HECW2: variants seen among roughly 807,000 people sequenced by gnomAD.
HECW2 encodes HECT, C2 and WW domain containing E3 ubiquitin protein ligase 2, also known as E3 ubiquitin-protein ligase HECW2.
A neutral mutation model predicts 175.2 loss-of-function variants in HECW2; 61 were observed. The observed-to-expected ratio is 0.35, with a 90% CI of 0.28 to 0.43. The LOEUF is 0.43. Ranked by LOEUF, HECW2 falls within the 20% of genes least tolerant of loss-of-function variation. The pLI, the probability that HECW2 is intolerant of heterozygous loss-of-function variation, is 1.00. For missense variants in HECW2, 1,524 were observed against 2,000.5 expected, an observed-to-expected ratio of 0.76 and a Z score of 4.54; for synonymous variants, 671 against 731.0, an observed-to-expected ratio of 0.92 and a Z score of 1.32.
chr2:196,295,701 A>G (rs1690784765), intron 13 of HECW2, among the ~76,000 whole-genome samples: 1 of 152,200 alleles, frequency 6.6e-6, no homozygotes, highest in Non-Finnish European at 1.5e-5. Context: ...ACTTTGTTAA[A>G]AAAGAACTTC....
chr2:196,244,962 T>C (rs1481725601), intron 19 of HECW2, among the ~76,000 whole-genome samples: 3 of 152,184 alleles, frequency 2.0e-5, no homozygotes, highest in Non-Finnish European at 4.4e-5. Flanking sequence ...CAAATGGTGT[T>C]TTATTTAAGA....
At chr2:196,378,764 T>C (rs747205335) in intron 2 of HECW2, among the ~76,000 whole-genome samples, 2 of 152,144 alleles carry the variant, frequency 1.3e-5, no homozygotes, top group Non-Finnish European at 2.9e-5. Context: ...AATTACAAAA[T>C]TCATAATTTT....
Position 196,572,691 on chromosome 2 carries a change from T to C in HECW2, c.-36+20817A>G, listed in dbSNP as rs537736518. On this transcript the variant is annotated intron_variant, in intron 1 of 28. Transcript: ENST00000644978. ...GTGATGGTATTTGGAGGTGGAGACT[T>C]TGGGAGGTAATTAGGTCACAAGGGT... Among the ~76,000 whole-genome samples, 55 of 152,252 alleles carry C rather than the reference T, an allele frequency of 3.6e-4. 1 individual carries two copies. Among genetic ancestry groups the C allele is most frequent in the African/African-American group, 1.3e-3 (55 of 41,552 alleles).
chr2:196,256,909 CA>C (rs1689077608), intron 18 of HECW2, among the ~76,000 whole-genome samples: 1 of 151,884 alleles, frequency 6.6e-6, no homozygotes. Context: ...TGACTACACA[CA>C]AAGAAAAATA....
chr2:196,439,957 G>C (rs1324543450), intron 1 of HECW2, among the ~76,000 whole-genome samples: 1 of 152,164 alleles, frequency 6.6e-6, no homozygotes, highest in African/African-American at 2.4e-5. Flanking sequence ...ACATAGACAT[G>C]ATGACAGATT....
intron 1 of HECW2, among the ~76,000 whole-genome samples, chr2:196,521,191 C>A (rs1459146864): frequency 6.7e-6 from 1 of 149,444 alleles, no homozygotes; most frequent in Non-Finnish European, 1.5e-5. Flanking sequence ...AGTAGTGAGA[C>A]CAGCATCACA....
chr2:196,483,751 T>C (rs1686916149), intron 1 of HECW2, among the ~76,000 whole-genome samples: 2 of 152,204 alleles, frequency 1.3e-5, no homozygotes, highest in Admixed American at 6.5e-5. Context: ...TGGGAAATTA[T>C]ACTAGGAAAA....
At chr2:196,383,457 G>C (rs1210952480) in intron 2 of HECW2, among the ~76,000 whole-genome samples, 1 of 152,236 alleles carries the variant, frequency 6.6e-6, no homozygotes, top group Admixed American at 6.5e-5. Flanking sequence ...GAGCCTAGGA[G>C]AGAAAAGTCT....
chr2:196,307,196 G>C lies in HECW2; in HGVS notation c.2623C>G (p.Pro875Ala), dbSNP rs779819122. The C allele has an allele frequency of 5.8e-5, 94 of 1,613,556 alleles. No individual in the cohort carries two copies. The East Asian group carries it at 1.9e-3, about 33-fold the overall frequency. ...SIRRTMTNER[P>A]EENTNAIDGA... ...TCAATAGCATTGGTATTTTCCTCAGGCCTCTCATTGGTCATGGTTCTGCGG... is the reference window on the plus strand; with the variant it reads ...TCAATAGCATTGGTATTTTCCTCAGCCCTCTCATTGGTCATGGTTCTGCGG... Residue 875 changes from proline to alanine, a missense_variant, in exon 12 of 29, where the codon CCT (proline) becomes GCT (alanine). By Grantham distance (27) the Pro-to-Ala change is conservative (BLOSUM62 -1). Coordinates refer to ENST00000644978, the MANE Select transcript of HECW2 (RefSeq NM_001348768.2).
At chr2:196,377,671 C>G (rs116128406) in intron 2 of HECW2, among the ~76,000 whole-genome samples, 1,564 of 152,344 alleles carry the variant, frequency 0.01, 24 homozygotes, top group Non-Finnish European at 0.013. Flanking sequence ...TGGGTGGGAA[C>G]ATAGCCAAAC....
At chr2:196,297,073 C>A (rs967513428) in intron 13 of HECW2, among the ~76,000 whole-genome samples, 1 of 152,164 alleles carries the variant, frequency 6.6e-6, no homozygotes, top group African/African-American at 2.4e-5. Flanking sequence ...ATAACATAGT[C>A]TCATGATAAT....
At chr2:196,402,200 CAAAAA>C (rs55851966) in intron 2 of HECW2, among the ~76,000 whole-genome samples, 2 of 70,386 alleles carry the variant, frequency 2.8e-5, no homozygotes, top group South Asian at 5.7e-4. Context: ...GACTCTGTCT[CAAAAA>C]AAAAAAAAAA....
intron 19 of HECW2, among the ~76,000 whole-genome samples, chr2:196,248,556 G>A (rs919298596): frequency 6.6e-6 from 1 of 150,564 alleles, no homozygotes; most frequent in African/African-American, 2.4e-5. Flanking sequence ...AGGAAAGGTG[G>A]GGAAAGGGAG....
intron 1 of HECW2, among the ~76,000 whole-genome samples, chr2:196,464,011 C>A (rs1309175590): frequency 1.3e-5 from 2 of 151,750 alleles, no homozygotes; most frequent in East Asian, 3.9e-4. Context: ...TCAAATCCAT[C>A]TTTCCATCTT....
chr2:196,197,945 A>T lies in HECW2; in HGVS notation c.*3332T>A, dbSNP rs1686742300. On this transcript the variant is annotated 3_prime_UTR_variant, in exon 29 of 29. Coordinates refer to ENST00000644978, the MANE Select transcript of HECW2 (RefSeq NM_001348768.2). ...TTTCTGATTGTTGCACAGGTAAAACAGATTTTCCTTTATTTATTGCAGAAT... is the reference window on the plus strand; with the variant it reads ...TTTCTGATTGTTGCACAGGTAAAACTGATTTTCCTTTATTTATTGCAGAAT... 1 of 152,248 alleles carries T rather than the reference A, an allele frequency of 6.6e-6. No individual in the cohort carries two copies. Among genetic ancestry groups the T allele is most frequent in the African/African-American group, 2.4e-5 (1 of 41,470 alleles). 9.4% of individuals were successfully genotyped at this position (152,248 alleles called of 1,614,324 possible). A position where few individuals can be genotyped will look rare whatever the true frequency, so the allele number is the denominator to read the frequency against.
rs142121512 is a variant in HECW2 at position 196,463,922 on chromosome 2, T to C, written c.-35-30464A>G. Among the ~76,000 whole-genome samples the C allele has an allele frequency of 6.0e-3, 911 of 152,304 alleles. 14 individuals are homozygous for C. Among genetic ancestry groups the C allele is most frequent in the African/African-American group, 0.021 (874 of 41,562 alleles). ...TGCTGAAAGCTTCATACAAAGGAACTGAAAGTAAGTACTATTTTGATCTAC... is the reference window on the plus strand; with the variant it reads ...TGCTGAAAGCTTCATACAAAGGAACCGAAAGTAAGTACTATTTTGATCTAC... On this transcript the variant is annotated intron_variant, in intron 1 of 28. Coordinates refer to ENST00000644978, the MANE Select transcript of HECW2 (RefSeq NM_001348768.2).
chr2:196,211,810 C>T (rs1687296409), intron 28 of HECW2, among the ~76,000 whole-genome samples: 1 of 152,112 alleles, frequency 6.6e-6, no homozygotes, highest in African/African-American at 2.4e-5. Flanking sequence ...ACTCCCATGC[C>T]CGACACAAGA....
chr2:196,346,653 A>G (rs574377299), intron 2 of HECW2, among the ~76,000 whole-genome samples: 10 of 152,286 alleles, frequency 6.6e-5, no homozygotes, highest in South Asian at 4.1e-4. Context: ...GATAAACTCT[A>G]TATCTCTGTA....
intron 3 of HECW2, among the ~76,000 whole-genome samples, chr2:196,340,102 TAAAC>T (rs914956084): frequency 6.9e-6 from 1 of 145,160 alleles, no homozygotes; most frequent in Non-Finnish European, 1.5e-5. Flanking sequence ...GAGTTAAAGA[TAAAC>T]AAATTTCCTT....
Sources: gnomAD v4.1 joint callset for allele counts (sites outside exome capture counted in the v4.1 genomes callset) on GRCh38, gnomAD v4.1.1 for gene constraint, MANE v1.5 for transcripts, NCBI Gene and HGNC (gene_info 2026-07-23, HGNC 2026-07-21) for gene names.